The following GRID2 variants were observed in gnomAD, a reference collection of about 807,000 sequenced individuals.
GRID2 encodes the protein glutamate ionotropic receptor delta type subunit 2.
GRID2 carries 33 observed loss-of-function variants against 114.8 expected under a neutral mutation model. The observed-to-expected ratio is 0.29, with a 90% CI of 0.22 to 0.38. GRID2 has a LOEUF of 0.38. Among genes scored for constraint, GRID2 ranks in the 10% least tolerant of loss-of-function variants. The probability of loss-of-function intolerance (pLI) is 1.00; values close to 1 mark genes in which losing one functional copy is unlikely to be tolerated. For synonymous variants in GRID2, 505 were observed against 449.9 expected, an observed-to-expected ratio of 1.12 and a Z score of -1.55; for missense variants, 1,184 against 1,257.7, an observed-to-expected ratio of 0.94 and a Z score of 0.89.
At chr4:92,858,583 A>T (rs1388751684) in intron 2 of GRID2, among the ~76,000 whole-genome samples, 1 of 152,102 alleles carries the variant, frequency 6.6e-6, no homozygotes, top group Admixed American at 6.6e-5. Context: ...TTTGAGACGG[A>T]GTCTCACACT....
rs1216733153 is a variant in GRID2 at position 92,934,914 on chromosome 4, C to T, written c.245-150081C>T. Among the ~76,000 whole-genome samples, 22 of 146,386 alleles carry T rather than the reference C, an allele frequency of 1.5e-4. 1 individual carries two copies. In the East Asian group the frequency reaches 3.3e-3, roughly 22 times the overall value. Reference sequence around the variant, plus strand: ...AAGATGGATTAAAGACTTAAACGTTCGACCTAAAACCATAAAAACCCTAGA... The same window carrying T: ...AAGATGGATTAAAGACTTAAACGTTTGACCTAAAACCATAAAAACCCTAGA... On this transcript the variant is annotated intron_variant, in intron 2 of 15. Coordinates refer to ENST00000282020, the MANE Select transcript of GRID2 (RefSeq NM_001510.4).
At chr4:92,981,962 T>C (rs112542879) in intron 2 of GRID2, among the ~76,000 whole-genome samples, 2,208 of 144,334 alleles carry the variant, frequency 0.015, 22 homozygotes, top group East Asian at 0.053. Flanking sequence ...TGCTGACATA[T>C]GGGAAATTTA....
At chr4:92,953,741 C>A (rs76898225) in intron 2 of GRID2, among the ~76,000 whole-genome samples, 2,258 of 152,004 alleles carry the variant, frequency 0.015, 19 homozygotes, top group East Asian at 0.053. Context: ...AGACTTCATA[C>A]CATATTTTTT....
At chr4:92,627,206 A>G (rs1730568669) in intron 2 of GRID2, among the ~76,000 whole-genome samples, 1 of 152,126 alleles carries the variant, frequency 6.6e-6, no homozygotes, top group Admixed American at 6.6e-5. Context: ...AATGGGCAAC[A>G]AACAGTATTT....
At chr4:92,449,676 G>GATAT (rs371209786) in intron 1 of GRID2, among the ~76,000 whole-genome samples, 2,400 of 96,666 alleles carry the variant, frequency 0.025, 66 homozygotes, top group Middle Eastern at 0.041. Flanking sequence ...TTTTCTTACT[G>GATAT]ATATATATAT....
chr4:93,695,102 C>T (rs932328980), intron 14 of GRID2, among the ~76,000 whole-genome samples: 1 of 148,576 alleles, frequency 6.7e-6, no homozygotes, highest in African/African-American at 2.5e-5. Context: ...ACCCGGGAGG[C>T]GGAAGTCGCA....
intron 14 of GRID2, among the ~76,000 whole-genome samples, chr4:93,677,706 C>A (rs1725046773): frequency 6.6e-6 from 1 of 152,132 alleles, no homozygotes. Flanking sequence ...TCCAACAGAC[C>A]TGCAACAGAG....
At chr4:92,490,633 A>G (rs1723104999) in intron 1 of GRID2, among the ~76,000 whole-genome samples, 1 of 152,156 alleles carries the variant, frequency 6.6e-6, no homozygotes, top group Admixed American at 6.5e-5. Flanking sequence ...ACCGTGGTAC[A>G]TTCATTAACA....
intron 2 of GRID2, among the ~76,000 whole-genome samples, chr4:92,590,506 A>C (rs1389791068): frequency 6.7e-6 from 1 of 148,938 alleles, no homozygotes; most frequent in African/African-American, 2.4e-5. Flanking sequence ...ATATAATATG[A>C]AAATGAACAA....
intron 8 of GRID2, among the ~76,000 whole-genome samples, chr4:93,321,832 C>G (rs1757250149): frequency 6.6e-6 from 1 of 151,830 alleles, no homozygotes; most frequent in Non-Finnish European, 1.5e-5. Flanking sequence ...CATCTTTACC[C>G]TCCTCCCAAA....
chr4:92,307,028 TA>T (rs551384952), intron 1 of GRID2, among the ~76,000 whole-genome samples: 2 of 151,880 alleles, frequency 1.3e-5, no homozygotes, highest in Non-Finnish European at 2.9e-5. Context: ...ACTCCTAAAT[TA>T]AAAAAATAAA....
intron 2 of GRID2, among the ~76,000 whole-genome samples, chr4:92,717,505 T>C (rs931687255): frequency 3.9e-5 from 6 of 152,230 alleles, no homozygotes. Flanking sequence ...CTAACCCATT[T>C]AGTTAAAGCA....
At chr4:93,711,468 C>T (rs1416711812) in intron 14 of GRID2, among the ~76,000 whole-genome samples, 1 of 152,064 alleles carries the variant, frequency 6.6e-6, no homozygotes, top group East Asian at 1.9e-4. Context: ...AAGTCCTTGC[C>T]CAGGAATTGC....
intron 2 of GRID2, among the ~76,000 whole-genome samples, chr4:92,756,398 A>G (rs1737722544): frequency 6.6e-6 from 1 of 152,194 alleles, no homozygotes; most frequent in Admixed American, 6.5e-5. Flanking sequence ...GCCGCAATAA[A>G]CATAGGGGTG....
intron 2 of GRID2, among the ~76,000 whole-genome samples, chr4:93,015,741 A>G (rs1578756886): frequency 6.6e-6 from 1 of 152,274 alleles, no homozygotes; most frequent in Non-Finnish European, 1.5e-5. Flanking sequence ...AGTACACTAC[A>G]TGGACGTGAC....
At chr4:92,665,681 T>C (rs1732735487) in intron 2 of GRID2, among the ~76,000 whole-genome samples, 1 of 151,122 alleles carries the variant, frequency 6.6e-6, no homozygotes. Context: ...TGAAAGATAA[T>C]TTTACCACAT....
At chr4:93,783,361 C>T (rs1049406129) in intron 1 of GRID2, among the ~76,000 whole-genome samples, 2 of 152,246 alleles carry the variant, frequency 1.3e-5, no homozygotes, top group Non-Finnish European at 2.9e-5. Flanking sequence ...AAACTCACAT[C>T]TCTCTAACTC....
chr4:92,730,899 A>G (rs1736299469), intron 2 of GRID2, among the ~76,000 whole-genome samples: 1 of 152,034 alleles, frequency 6.6e-6, no homozygotes, highest in African/African-American at 2.4e-5. Flanking sequence ...CACTGAGTAA[A>G]AAGGTGGGTT....
chr4:92,489,488 G>T (rs1464352696), intron 1 of GRID2, among the ~76,000 whole-genome samples: 1 of 151,898 alleles, frequency 6.6e-6, no homozygotes, highest in Non-Finnish European at 1.5e-5. Context: ...TAAAATCATG[G>T]TACAAGTTTA....
Sources: allele counts gnomAD v4.1 joint callset (sites outside exome capture counted in the v4.1 genomes callset), GRCh38; gene constraint gnomAD v4.1.1; transcripts MANE v1.5; gene names NCBI Gene and HGNC (gene_info 2026-07-23, HGNC 2026-07-21).